Variants in PTPRD observed in about 807,000 individuals in gnomAD.
PTPRD encodes receptor-type tyrosine-protein phosphatase delta.
Under a neutral mutation model 214.5 loss-of-function variants are expected in PTPRD, and 34 were observed. That is an observed-to-expected ratio of 0.16 (90% CI 0.12 to 0.21). The LOEUF is 0.21. PTPRD is among the 10% of genes least tolerant of loss of function. The pLI is 1.00. For synonymous variants in PTPRD, 1,128 were observed against 845.7 expected, an observed-to-expected ratio of 1.33 and a Z score of -5.79; for missense variants, 2,545 against 2,398.7, an observed-to-expected ratio of 1.06 and a Z score of -1.27.
At chr9:9,376,250 GT>G (rs2060774877) in intron 9 of PTPRD, among the ~76,000 whole-genome samples, 1 of 152,010 alleles carries the variant, frequency 6.6e-6, no homozygotes, top group African/African-American at 2.4e-5. Flanking sequence ...AGGTAAAATT[GT>G]TTTCTCTATG....
At chr9:9,917,891 T>C (rs1251454351) in intron 5 of PTPRD, among the ~76,000 whole-genome samples, 4 of 150,566 alleles carry the variant, frequency 2.7e-5, no homozygotes, top group Non-Finnish European at 5.9e-5. Flanking sequence ...ATTTAAACTC[T>C]AAATTAATTA....
At chr9:9,062,308 C>A (rs1259058443) in intron 10 of PTPRD, among the ~76,000 whole-genome samples, 4 of 152,152 alleles carry the variant, frequency 2.6e-5, no homozygotes, top group Admixed American at 2.6e-4. Flanking sequence ...CAAGTTGACA[C>A]TGCATGGACA....
chr9:10,376,611 G>A (rs73402293), intron 2 of PTPRD, among the ~76,000 whole-genome samples: 1 of 151,578 alleles, frequency 6.6e-6, no homozygotes, highest in Non-Finnish European at 1.5e-5. Context: ...CATAGACAGG[G>A]TATCATGATC....
chr9:9,909,322 T>C (rs1566203389), intron 5 of PTPRD, among the ~76,000 whole-genome samples: 2 of 151,876 alleles, frequency 1.3e-5, no homozygotes, highest in African/African-American at 4.8e-5. Flanking sequence ...TGAAAGTTTT[T>C]TTTTTTTTTT....
At chr9:10,373,621 C>A (rs1032209342) in intron 2 of PTPRD, among the ~76,000 whole-genome samples, 3 of 152,038 alleles carry the variant, frequency 2.0e-5, no homozygotes, top group Non-Finnish European at 4.4e-5. Flanking sequence ...ATTGCAGGAA[C>A]CTGAGCCTTT....
At chr9:9,533,501 T>G (rs2075915564) in intron 8 of PTPRD, among the ~76,000 whole-genome samples, 1 of 152,128 alleles carries the variant, frequency 6.6e-6, no homozygotes, top group Non-Finnish European at 1.5e-5. Flanking sequence ...GGGTATTTTC[T>G]TTTCAGGCTG....
At chr9:8,930,916 G>A (rs1321097212) in intron 11 of PTPRD, among the ~76,000 whole-genome samples, 1 of 152,110 alleles carries the variant, frequency 6.6e-6, no homozygotes, top group East Asian at 1.9e-4. Context: ...TAGGTCGCCT[G>A]TCCACTCTGA....
At chr9:9,299,567 TTTATAACTC>T (rs1287352385) in intron 9 of PTPRD, among the ~76,000 whole-genome samples, 2 of 151,772 alleles carry the variant, frequency 1.3e-5, no homozygotes, top group African/African-American at 4.8e-5. Flanking sequence ...CTGCAGATTA[TTTATAACTC>T]TCAAAAGGGC....
At chr9:9,797,933 G>A (rs544092176) in intron 5 of PTPRD, among the ~76,000 whole-genome samples, 2 of 152,212 alleles carry the variant, frequency 1.3e-5, no homozygotes, top group South Asian at 2.1e-4. Context: ...ATGGATTTGA[G>A]GTGAAATAAA....
chr9:10,450,643 T>C (rs1223759863), intron 2 of PTPRD, among the ~76,000 whole-genome samples: 1 of 152,042 alleles, frequency 6.6e-6, no homozygotes, highest in Non-Finnish European at 1.5e-5. Flanking sequence ...TTTGATCATA[T>C]ATTTTACTGT....
chr9:9,434,126 C>T (rs1322690325), intron 8 of PTPRD, among the ~76,000 whole-genome samples: 1 of 152,068 alleles, frequency 6.6e-6, no homozygotes, highest in Non-Finnish European at 1.5e-5. Flanking sequence ...AATGGCTTTA[C>T]CTATTGTAAT....
chr9:10,158,946 C>T (rs1478741794), intron 3 of PTPRD, among the ~76,000 whole-genome samples: 3 of 152,154 alleles, frequency 2.0e-5, no homozygotes, highest in Admixed American at 6.6e-5. Context: ...TGCTCTATAA[C>T]TCTTTCAAAG....
At chr9:9,872,029 T>G (rs1243267049) in intron 5 of PTPRD, among the ~76,000 whole-genome samples, 1 of 152,130 alleles carries the variant, frequency 6.6e-6, no homozygotes, top group Non-Finnish European at 1.5e-5. Context: ...CCTCCTGACT[T>G]GACAATAGTA....
intron 3 of PTPRD, among the ~76,000 whole-genome samples, chr9:10,329,205 G>T (rs1198309909): frequency 6.6e-6 from 1 of 151,622 alleles, no homozygotes; most frequent in Non-Finnish European, 1.5e-5. Flanking sequence ...ACTTATCATT[G>T]TGCAATTTAT....
intron 14 of PTPRD, among the ~76,000 whole-genome samples, chr9:8,535,528 G>C (rs746256486): frequency 2.0e-5 from 3 of 151,798 alleles, no homozygotes; most frequent in African/African-American, 7.2e-5. Context: ...GGATGTCAAA[G>C]GTTGTTGTGA....
intron 11 of PTPRD, among the ~76,000 whole-genome samples, chr9:8,838,331 GA>G (rs112647473): frequency 6.6e-5 from 10 of 151,002 alleles, no homozygotes; most frequent in East Asian, 2.0e-4. Flanking sequence ...GACAAATTTG[GA>G]AAAAAAAATT....
chr9:8,414,479 G>GT (rs1032478556), intron 35 of PTPRD, among the ~76,000 whole-genome samples: 2 of 152,104 alleles, frequency 1.3e-5, no homozygotes, highest in African/African-American at 4.8e-5. Flanking sequence ...TAATACAATA[G>GT]TTTTTTTCAT....
At chr9:10,336,364 T>C (rs10114902) in intron 3 of PTPRD, among the ~76,000 whole-genome samples, 54,067 of 151,250 alleles carry the variant, frequency 0.36, 11,059 homozygotes, top group African/African-American at 0.56. Flanking sequence ...GTGTGGCTCC[T>C]AAAGTGACTA....
At chr9:9,943,022 C>G (rs547407242) in intron 4 of PTPRD, among the ~76,000 whole-genome samples, 4 of 152,138 alleles carry the variant, frequency 2.6e-5, no homozygotes, top group African/African-American at 7.2e-5. Flanking sequence ...CTTCCCTGCA[C>G]TAACTCGGGG....
Sources: allele counts gnomAD v4.1 joint callset (sites outside exome capture counted in the v4.1 genomes callset), GRCh38; gene constraint gnomAD v4.1.1; transcripts MANE v1.5; gene names NCBI Gene and HGNC (gene_info 2026-07-23, HGNC 2026-07-21).